Variants in PTPRD observed in about 807,000 individuals in gnomAD.
PTPRD encodes the protein protein tyrosine phosphatase receptor type D.
PTPRD carries 34 observed loss-of-function variants against 214.5 expected under a neutral mutation model. That is an observed-to-expected ratio of 0.16 (90% CI 0.12 to 0.21). The LOEUF (loss-of-function observed/expected upper bound fraction) is 0.21. Among genes scored for constraint, PTPRD ranks in the 10% least tolerant of loss-of-function variants. The probability of loss-of-function intolerance (pLI) is 1.00; values close to 1 mark genes in which losing one functional copy is unlikely to be tolerated. For missense variants in PTPRD, 2,545 were observed against 2,398.7 expected (o/e 1.06, Z -1.27); for synonymous variants, 1,128 against 845.7 (o/e 1.33, Z -5.79).
chr9:10,375,383 A>C (rs373153880), intron 2 of PTPRD, among the ~76,000 whole-genome samples: 2 of 151,946 alleles, frequency 1.3e-5, no homozygotes, highest in African/African-American at 2.4e-5. Flanking sequence ...TTCTGGTTCA[A>C]TTTCCCAAGT....
At chr9:9,588,014 A>G (rs1298899232) in intron 7 of PTPRD, among the ~76,000 whole-genome samples, 1 of 152,044 alleles carries the variant, frequency 6.6e-6, no homozygotes, top group Non-Finnish European at 1.5e-5. Flanking sequence ...AAATTATACC[A>G]ACACATAGAA....
At chr9:8,624,179 T>C (rs1194614427) in intron 14 of PTPRD, among the ~76,000 whole-genome samples, 1 of 151,832 alleles carries the variant, frequency 6.6e-6, no homozygotes, top group Non-Finnish European at 1.5e-5. Flanking sequence ...AATATGGAAA[T>C]GTGTGTTAAC....
At chr9:9,164,912 G>T (rs1375279568) in intron 10 of PTPRD, among the ~76,000 whole-genome samples, 4 of 150,112 alleles carry the variant, frequency 2.7e-5, no homozygotes, top group Non-Finnish European at 5.9e-5. Flanking sequence ...AATTAGCCGG[G>T]TGTGGTGGTG....
chr9:8,405,551 C>T (rs1024360492), intron 35 of PTPRD, among the ~76,000 whole-genome samples: 4 of 151,940 alleles, frequency 2.6e-5, no homozygotes, highest in South Asian at 2.1e-4. Context: ...GATCATAAAA[C>T]TCTAGGGGAC....
chr9:9,095,017 C>T (rs12005867), intron 10 of PTPRD, among the ~76,000 whole-genome samples: 3,200 of 152,244 alleles, frequency 0.021, 110 homozygotes, highest in African/African-American at 0.073. Context: ...TCTAGCCCAA[C>T]ATTTGAAAAA....
chr9:9,058,540 CTG>C (rs1483505888), intron 10 of PTPRD, among the ~76,000 whole-genome samples: 9 of 142,054 alleles, frequency 6.3e-5, no homozygotes, highest in Non-Finnish European at 1.1e-4. Context: ...CCTCCGCCCC[CTG>C]GGGTTCACGC....
chr9:9,489,053 G>C (rs1018801948), intron 8 of PTPRD, among the ~76,000 whole-genome samples: 1 of 152,114 alleles, frequency 6.6e-6, no homozygotes, highest in African/African-American at 2.4e-5. Context: ...GAGACATAAA[G>C]GGCCAGCACT....
At position 9,766,324 on chromosome 9, in the gene PTPRD, T is replaced by C. The variant is rs551189929; in HGVS notation, c.-326+486A>G. ...TCTTTCATGTAGTACGTTTATATAC[T>C]GTTTACTGAGCTGTTAATGTGTTTA... On this transcript the variant is annotated intron_variant, in intron 6 of 45. Coordinates refer to ENST00000381196, the MANE Select transcript of PTPRD (RefSeq NM_002839.4). Among the ~76,000 whole-genome samples the C allele has an allele frequency of 3.4e-4, 52 of 152,342 alleles. No individual in the cohort carries two copies. In the South Asian group the frequency reaches 3.7e-3, roughly 11 times the overall value.
intron 2 of PTPRD, among the ~76,000 whole-genome samples, chr9:10,383,606 A>T (rs2154485466): frequency 6.6e-6 from 1 of 151,898 alleles, no homozygotes; most frequent in Non-Finnish European, 1.5e-5. Flanking sequence ...AATGGATGAC[A>T]CCTTATCAGA....
At chr9:9,634,715 T>C (rs911535921) in intron 7 of PTPRD, among the ~76,000 whole-genome samples, 2 of 152,176 alleles carry the variant, frequency 1.3e-5, no homozygotes, top group African/African-American at 4.8e-5. Flanking sequence ...AATCATGATA[T>C]CTTATTTGAG....
intron 43 of PTPRD, among the ~76,000 whole-genome samples, chr9:8,335,738 A>G (rs993499198): frequency 1.3e-5 from 2 of 152,194 alleles, no homozygotes; most frequent in African/African-American, 4.8e-5. Context: ...GTATATTTAG[A>G]AGACCCCATT....
At chr9:8,691,555 C>A (rs977711924) in intron 12 of PTPRD, among the ~76,000 whole-genome samples, 3 of 152,102 alleles carry the variant, frequency 2.0e-5, no homozygotes, top group Non-Finnish European at 2.9e-5. Context: ...TTTCACAAGT[C>A]TTTTGAAACC....
intron 4 of PTPRD, among the ~76,000 whole-genome samples, chr9:9,976,295 T>C (rs1253129355): frequency 6.6e-6 from 1 of 152,192 alleles, no homozygotes; most frequent in Non-Finnish European, 1.5e-5. Context: ...GTCTAGTATA[T>C]TCTCTGAATG....
intron 7 of PTPRD, among the ~76,000 whole-genome samples, chr9:9,587,050 T>C (rs927816970): frequency 1.3e-5 from 2 of 151,740 alleles, no homozygotes; most frequent in South Asian, 2.1e-4. Flanking sequence ...GAGGAGGAAA[T>C]GTATGTGTAT....
chr9:8,715,779 T>C (rs780828616), intron 12 of PTPRD, among the ~76,000 whole-genome samples: 7 of 152,242 alleles, frequency 4.6e-5, no homozygotes, highest in Admixed American at 6.5e-5. Flanking sequence ...CTCTTTAATA[T>C]TGAGACAGGC....
At chr9:9,113,524 A>G (rs2099809057) in intron 10 of PTPRD, among the ~76,000 whole-genome samples, 1 of 152,090 alleles carries the variant, frequency 6.6e-6, no homozygotes, top group Non-Finnish European at 1.5e-5. Context: ...AATCATTTCT[A>G]TGGCATTAAG....
At chr9:9,352,567 C>T (rs1052066627) in intron 9 of PTPRD, among the ~76,000 whole-genome samples, 3 of 151,814 alleles carry the variant, frequency 2.0e-5, no homozygotes, top group African/African-American at 7.3e-5. Context: ...GTTGCCTTCA[C>T]ACAAAATAGC....
intron 11 of PTPRD, among the ~76,000 whole-genome samples, chr9:8,986,214 T>C (rs567484468): frequency 2.7e-4 from 41 of 152,100 alleles, no homozygotes; most frequent in Non-Finnish European, 7.4e-5. Flanking sequence ...TTCTCAACTG[T>C]CTATGAACTC....
intron 11 of PTPRD, among the ~76,000 whole-genome samples, chr9:8,908,870 C>T (rs2098726800): frequency 6.6e-6 from 1 of 151,168 alleles, no homozygotes; most frequent in Non-Finnish European, 1.5e-5. Context: ...CTAAAATCAA[C>T]TACAGAAAGA....
Sources: allele counts gnomAD v4.1 joint callset (sites outside exome capture counted in the v4.1 genomes callset), GRCh38; gene constraint gnomAD v4.1.1; transcripts MANE v1.5; gene names NCBI Gene and HGNC (gene_info 2026-07-23, HGNC 2026-07-21).